The following ATP6V0D1 variants were observed in gnomAD, a reference collection of about 807,000 sequenced individuals.
ATP6V0D1 encodes ATPase H+ transporting V0 subunit d1, also known as V-type proton ATPase subunit d 1.
A neutral mutation model predicts 39.0 loss-of-function variants in ATP6V0D1; 13 were observed. The observed-to-expected ratio is 0.33, with a 90% CI of 0.22 to 0.53. The LOEUF (loss-of-function observed/expected upper bound fraction) is 0.53, where lower values mean the gene tolerates loss of function less well. Among genes scored for constraint, ATP6V0D1 ranks in the 20% least tolerant of loss-of-function variants. The probability of loss-of-function intolerance (pLI) is 0.94; values close to 1 mark genes in which losing one functional copy is unlikely to be tolerated. For synonymous variants in ATP6V0D1, 191 were observed against 191.2 expected (o/e 1.00, Z 0.01); for missense variants, 272 against 470.9 (o/e 0.58, Z 3.91).
intron 1 of ATP6V0D1, among the ~76,000 whole-genome samples, chr16:67,473,687 C>T (rs1390635090): frequency 6.6e-6 from 1 of 152,188 alleles, no homozygotes; most frequent in African/African-American, 2.4e-5. Flanking sequence ...CCATGCCTGG[C>T]TAATTTTTTG....
At chr16:67,452,485 A>AG in intron 2 of ATP6V0D1, 5 of 1,314,414 alleles carry the variant, frequency 3.8e-6, no homozygotes, top group South Asian at 1.3e-5. Flanking sequence ...CTGCAGGGAC[A>AG]AGTGGGGCAG....
intron 2 of ATP6V0D1, among the ~76,000 whole-genome samples, chr16:67,448,978 G>A (rs571254750): frequency 2.0e-5 from 3 of 152,250 alleles, no homozygotes; most frequent in East Asian, 1.9e-4. Context: ...CTGGCCAGGG[G>A]AGTGGGGGCC....
At chr16:67,466,300 G>T (rs2041328659) in intron 1 of ATP6V0D1, among the ~76,000 whole-genome samples, 1 of 148,396 alleles carries the variant, frequency 6.7e-6, no homozygotes, top group African/African-American at 2.5e-5. Context: ...GACCAACATG[G>T]AGAAACCCTG....
chr16:67,443,047 A>G lies in ATP6V0D1; in HGVS notation c.561+52T>C, dbSNP rs140412893. ...ATAAATCACCACCCTACCACTTCCC[A>G]CAGCCCCACCCACCGACAGGCCAAT... On this transcript the variant is annotated intron_variant, in intron 4 of 7. Transcript: ENST00000290949. 1.7e-4 allele frequency: 276 copies of G among 1,592,378 alleles called. 2 individuals are homozygous for G. In the African/African-American group the frequency reaches 3.5e-3, roughly 20 times the overall value.
chr16:67,472,411 G>T (rs1251347557), intron 1 of ATP6V0D1, among the ~76,000 whole-genome samples: 1 of 152,038 alleles, frequency 6.6e-6, no homozygotes, highest in Non-Finnish European at 1.5e-5. Flanking sequence ...TCTCTTGCTT[G>T]TAGTCACTAG....
chr16:67,443,425 C>T, intron 3 of ATP6V0D1: 1 of 520,332 alleles, frequency 1.9e-6, no homozygotes, highest in South Asian at 2.5e-5. Flanking sequence ...CTAGCCATAA[C>T]ATGATCTAAT....
At position 67,438,461 on chromosome 16, in the gene ATP6V0D1, GCACACA is replaced by G; in HGVS notation, c.*61_*66del. 6.5e-7 allele frequency: 1 copy of G among 1,536,484 alleles called. No homozygotes were observed. Among genetic ancestry groups the G allele is most frequent in the African/African-American group, 1.4e-5 (1 of 72,802 alleles). Reference sequence around the variant, plus strand: ...TGTCACAGACCACATACACACACACGCACACACACGCGCACACACACACACACACAC... The same window carrying G: ...TGTCACAGACCACATACACACACACGCACGCGCACACACACACACACACAC... On this transcript the variant is annotated 3_prime_UTR_variant, in exon 8 of 8. Transcript: ENST00000290949.
In ATP6V0D1 at chr16:67,439,346, G is replaced by A. The variant is rs755125615; in HGVS notation, c.567C>T (p.Tyr189=). 5 of 1,614,056 alleles carry A rather than the reference G, an allele frequency of 3.1e-6. 1 individual carries two copies. Among genetic ancestry groups the A allele is most frequent in the Admixed American group, 1.7e-5 (1 of 60,028 alleles). ...TGCAGAACTTGTAGAAGGACTCCAG[G>A]TAGGCCTGTAGAGAGTATGGAGCTT... ...EIIRNTLYKA[Y]LESFYKFCTL... Residue 189 remains tyrosine, a synonymous_variant, in exon 5 of 8, where the codon TAC becomes TAT. Coordinates refer to ENST00000290949, the MANE Select transcript of ATP6V0D1 (RefSeq NM_004691.5).
intron 1 of ATP6V0D1, among the ~76,000 whole-genome samples, chr16:67,474,849 T>C (rs957127097): frequency 6.6e-6 from 1 of 152,184 alleles, no homozygotes; most frequent in African/African-American, 2.4e-5. Context: ...TTCCTTCTCC[T>C]ACATGCCACC....
At chr16:67,472,044 C>T (rs943414533) in intron 1 of ATP6V0D1, among the ~76,000 whole-genome samples, 5 of 152,130 alleles carry the variant, frequency 3.3e-5, no homozygotes, top group Admixed American at 2.6e-4. Flanking sequence ...CTCATGACAG[C>T]GAGATGCCAA....
At chr16:67,470,103 T>C (rs2041361067) in intron 1 of ATP6V0D1, among the ~76,000 whole-genome samples, 1 of 152,144 alleles carries the variant, frequency 6.6e-6, no homozygotes, top group Non-Finnish European at 1.5e-5. Context: ...CATAACCAAA[T>C]CACCGGATAT....
At chr16:67,473,914 T>C (rs935900404) in intron 1 of ATP6V0D1, among the ~76,000 whole-genome samples, 1 of 152,104 alleles carries the variant, frequency 6.6e-6, no homozygotes, top group Non-Finnish European at 1.5e-5. Context: ...CTCGGCCTTC[T>C]AAAGTGCTGG....
Position 67,453,703 on chromosome 16 carries a change from T to C in ATP6V0D1, c.143A>G (p.His48Arg). The change falls in exon 2 of 8, where the codon CAT becomes CGT. Residue 48 changes from histidine (H) to arginine (R), a missense_variant. By Grantham distance (29) the His-to-Arg change is conservative. Transcript: ENST00000290949. This position sits in a 1 kb window ranked among gnomAD's most constrained non-coding sequence, Gnocchi z 4.1. ...QCETLEDLKL[H>R]LQSTDYGNFL... ...GTTACCATAATCAGTGCTCTGCAGA[T>C]GCAGTTTCAAGTCTGAAACCCAAGG... The C allele has an allele frequency of 6.2e-7, 1 of 1,613,952 alleles. No homozygotes were observed. Among genetic ancestry groups the C allele is most frequent in the Non-Finnish European group, 8.5e-7 (1 of 1,179,970 alleles).
chr16:67,444,591 C>A lies in ATP6V0D1; in HGVS notation c.418G>T (p.Ala140Ser). 1 of 1,613,546 alleles carries A rather than the reference C, an allele frequency of 6.2e-7. No individual in the cohort carries two copies. ...HPLGSFEQMEAVNIAQTPAEL... is the reference protein window; with the variant it reads ...HPLGSFEQMESVNIAQTPAEL... The stretch of plus-strand genomic sequence containing the variant: ...GCAGGTGTCTGAGCAATGTTCACGG[C>A]CTCCATCTGCTCGAAGCTGCCTAGT... The change falls in exon 3 of 8, where the codon GCC (alanine) becomes TCC (serine). Residue 140 changes from alanine (A) to serine (S), a missense_variant. Around this residue, in one of 4 missense-constraint regions of ATP6V0D1, gnomAD observed 135 missense variants for 273.8 expected, o/e 0.49. Transcript: ENST00000290949. The surrounding 1 kb of genome is among the most constrained non-coding windows in gnomAD (Gnocchi z 4.8).
chr16:67,438,913 G>A (rs1393610270), intron 6 of ATP6V0D1, 43 bp from the exon 7 acceptor site: 9 of 1,613,368 alleles, frequency 5.6e-6, no homozygotes, highest in Admixed American at 1.7e-5. Context: ...GAGGGTTCTG[G>A]GTGGGGGTGC....
intron 1 of ATP6V0D1, chr16:67,455,952 T>G (rs1211202866): frequency 6.6e-6 from 1 of 152,156 alleles, no homozygotes; most frequent in Non-Finnish European, 1.5e-5. Flanking sequence ...ATGGGTTTCA[T>G]GTGCTAGATT....
rs1030705403 is a variant in ATP6V0D1, at chr16:67,481,140, C to T, written c.-54G>A. ...AACCAGGACCGGCCGGCACGAATCG[C>T]GACTCCCCAGGTCAGCTGACGCTGC... On this transcript the variant is annotated 5_prime_UTR_variant, in exon 1 of 8. Coordinates refer to ENST00000290949, the MANE Select transcript of ATP6V0D1 (RefSeq NM_004691.5). 5 of 1,608,628 alleles carry T rather than the reference C, an allele frequency of 3.1e-6. No homozygotes were observed. Among genetic ancestry groups the T allele is most frequent in the Non-Finnish European group, 4.2e-6 (5 of 1,176,674 alleles).
chr16:67,465,800 C>T (rs1250919239), intron 1 of ATP6V0D1, among the ~76,000 whole-genome samples: 1 of 152,134 alleles, frequency 6.6e-6, no homozygotes, highest in African/African-American at 2.4e-5. Flanking sequence ...AGCGACAAGC[C>T]CTACCTCATC....
chr16:67,476,173 G>C (rs1259018462), intron 1 of ATP6V0D1, among the ~76,000 whole-genome samples: 3 of 150,564 alleles, frequency 2.0e-5, no homozygotes, highest in Non-Finnish European at 4.4e-5. Flanking sequence ...AGTGAGCTGA[G>C]AACGTGCCAC....
Sources: allele counts gnomAD v4.1 joint callset (sites outside exome capture counted in the v4.1 genomes callset), GRCh38; gene constraint gnomAD v4.1.1; regional missense constraint gnomAD v4.1.1; non-coding constraint Gnocchi (gnomAD v3.1); transcripts MANE v1.5; gene names NCBI Gene and HGNC (gene_info 2026-07-23, HGNC 2026-07-21).